The following PLXNA4 variants were observed in gnomAD, a reference collection of about 807,000 sequenced individuals.
The protein encoded by PLXNA4 is plexin A4.
Under a neutral mutation model 191.8 loss-of-function variants are expected in PLXNA4, and 44 were observed. The ratio of observed to expected loss-of-function variants is 0.23; its 90% CI spans 0.18 to 0.29. The LOEUF (loss-of-function observed/expected upper bound fraction) is 0.29. Among genes scored for constraint, PLXNA4 ranks in the 10% least tolerant of loss-of-function variants. The pLI is 1.00. For missense variants in PLXNA4, 1,800 were observed against 2,488.8 expected, an observed-to-expected ratio of 0.72 and a Z score of 5.89; for synonymous variants, 1,082 against 1,009.5, an observed-to-expected ratio of 1.07 and a Z score of -1.36.
intron 4 of PLXNA4, among the ~76,000 whole-genome samples, chr7:132,296,017 G>A (rs4731860): frequency 0.18 from 27,736 of 152,096 alleles, 3,148 homozygotes; most frequent in South Asian, 0.43. Flanking sequence ...CATTTCAATG[G>A]CAACACCTGT....
At chr7:132,454,887 T>C (rs1796257103) in intron 3 of PLXNA4, among the ~76,000 whole-genome samples, 1 of 152,180 alleles carries the variant, frequency 6.6e-6, no homozygotes, top group Admixed American at 6.5e-5. Context: ...TCTGTGGTAC[T>C]GTGCTATGGC....
chr7:132,359,206 C>T lies in PLXNA4; in HGVS notation c.1372-60984G>A, dbSNP rs1803830597. 2.9e-5 allele frequency among the ~76,000 whole-genome samples: 4 copies of T among 136,556 alleles called. No individual in the cohort carries two copies. In the South Asian group the frequency reaches 9.5e-4, roughly 33 times the overall value. 89.6% of individuals were successfully genotyped at this position (136,556 alleles called of 152,430 possible). A position where few individuals can be genotyped will look rare whatever the true frequency, so the allele number is the denominator to read the frequency against. On this transcript the variant is annotated intron_variant, in intron 3 of 31. Transcript: ENST00000321063. ...CTATTTCAGAAGGAAAAAGTCAAGG[C>T]TGCTTTTTTTTTTTTTTTTTTTTTT...
At chr7:132,210,826 TTTTGTG>T in intron 10 of PLXNA4, 111 bp downstream of exon 10, 5 of 1,159,918 alleles carry the variant, frequency 4.3e-6, no homozygotes, top group Non-Finnish European at 6.1e-6. Context: ...AGGTAGGCAG[TTTTGTG>T]CGTGTTGAGG....
At chr7:132,429,216 G>A (rs1795171884) in intron 3 of PLXNA4, among the ~76,000 whole-genome samples, 1 of 152,186 alleles carries the variant, frequency 6.6e-6, no homozygotes, top group Admixed American at 6.5e-5. Flanking sequence ...AGGACTCCAA[G>A]CCCCAGGCCA....
At chr7:132,540,098 T>G (rs184620839) in intron 1 of PLXNA4, among the ~76,000 whole-genome samples, 14 of 152,318 alleles carry the variant, frequency 9.2e-5, no homozygotes, top group Middle Eastern at 3.4e-3. Context: ...CCTCTTGCAC[T>G]GTGTAAGATG....
chr7:132,367,471 T>G (rs989178336), intron 3 of PLXNA4, among the ~76,000 whole-genome samples: 2 of 131,696 alleles, frequency 1.5e-5, no homozygotes, highest in Non-Finnish European at 1.5e-5. Context: ...GGAACTGCCA[T>G]GGAGCCTGGA....
At chr7:132,150,461 G>A (rs1795563478) in intron 25 of PLXNA4, among the ~76,000 whole-genome samples, 1 of 152,186 alleles carries the variant, frequency 6.6e-6, no homozygotes, top group Non-Finnish European at 1.5e-5. Context: ...CTTGCATGGT[G>A]AGTGGCACCT....
rs909519610 is a variant in PLXNA4 at position 132,164,558 on chromosome 7, C to T, written c.4354-270G>A. Among the ~76,000 whole-genome samples the T allele has an allele frequency of 2.6e-5, 4 of 152,258 alleles. No homozygotes were observed. In the South Asian group the frequency reaches 8.3e-4, roughly 32 times the overall value. ...GCCTCTCCAGGGCTCTTTCTTCCTCCCCCGCTCCCCTCCCCTCCTGCCCTC... is the reference window on the plus strand; with the variant it reads ...GCCTCTCCAGGGCTCTTTCTTCCTCTCCCGCTCCCCTCCCCTCCTGCCCTC... On this transcript the variant is annotated intron_variant, in intron 23 of 31. Coordinates refer to ENST00000321063, the MANE Select transcript of PLXNA4 (RefSeq NM_020911.2).
At chr7:132,374,087 T>G (rs546538431) in intron 3 of PLXNA4, among the ~76,000 whole-genome samples, 18 of 152,326 alleles carry the variant, frequency 1.2e-4, no homozygotes, top group South Asian at 4.1e-4. Flanking sequence ...GATGCTGACC[T>G]GCACGAAGTG....
intron 3 of PLXNA4, among the ~76,000 whole-genome samples, chr7:132,323,278 C>T (rs376998597): frequency 6.6e-6 from 1 of 152,132 alleles, no homozygotes; most frequent in African/African-American, 2.4e-5. Context: ...CACAGGAAAC[C>T]GAAGGATTGA....
chr7:132,370,728 C>T (rs1018034195), intron 3 of PLXNA4, among the ~76,000 whole-genome samples: 1 of 152,124 alleles, frequency 6.6e-6, no homozygotes, highest in African/African-American at 2.4e-5. Context: ...AGATTATTAT[C>T]CTGCATTCTA....
intron 10 of PLXNA4, among the ~76,000 whole-genome samples, chr7:132,210,693 C>T (rs1797769653): frequency 6.6e-6 from 1 of 152,218 alleles, no homozygotes; most frequent in African/African-American, 2.4e-5. Flanking sequence ...TCCTGTCTTA[C>T]ACGGACAACC....
chr7:132,310,863 G>A (rs1801701882), intron 3 of PLXNA4, among the ~76,000 whole-genome samples: 1 of 151,996 alleles, frequency 6.6e-6, no homozygotes, highest in Admixed American at 6.6e-5. Context: ...TGTGAGAGAG[G>A]CTAAGAACAG....
chr7:132,500,918 A>G (rs1020727788), intron 2 of PLXNA4, among the ~76,000 whole-genome samples: 9 of 152,216 alleles, frequency 5.9e-5, no homozygotes, highest in Non-Finnish European at 1.5e-5. Flanking sequence ...CTGAGACCCA[A>G]AGATCCTGAC....
At chr7:132,621,236 G>GT (rs1387509609) in intron 2 of PLXNA4, among the ~76,000 whole-genome samples, 22 of 135,088 alleles carry the variant, frequency 1.6e-4, no homozygotes, top group East Asian at 6.2e-4. Context: ...TAATCTCTTG[G>GT]TTTTTTTTTG....
chr7:132,227,375 C>T (rs1343495582), intron 7 of PLXNA4, 76 bp downstream of exon 7: 1 of 1,584,878 alleles, frequency 6.3e-7, no homozygotes, highest in African/African-American at 1.3e-5. Context: ...CTTTGATCCC[C>T]CCACATCTGT....
chr7:132,375,337 C>T (rs1038558780), intron 3 of PLXNA4, among the ~76,000 whole-genome samples: 3 of 146,612 alleles, frequency 2.0e-5, no homozygotes, highest in African/African-American at 7.5e-5. Context: ...ATTAAATTCA[C>T]ACAAACTTCT....
chr7:132,375,695 A>G (rs1458803490), intron 3 of PLXNA4, among the ~76,000 whole-genome samples: 1 of 152,210 alleles, frequency 6.6e-6, no homozygotes, highest in Non-Finnish European at 1.5e-5. Context: ...AAAAAGGCTT[A>G]CTGAAACAGG....
chr7:132,162,916 G>A (rs1462389493), intron 24 of PLXNA4, among the ~76,000 whole-genome samples: 3 of 152,142 alleles, frequency 2.0e-5, no homozygotes, highest in Non-Finnish European at 2.9e-5. Context: ...ACAGGCTCTG[G>A]AATTTGCCCT....
Sources: allele counts gnomAD v4.1 joint callset (sites outside exome capture counted in the v4.1 genomes callset), GRCh38; gene constraint gnomAD v4.1.1; transcripts MANE v1.5; gene names NCBI Gene and HGNC (gene_info 2026-07-23, HGNC 2026-07-21).